YTHDC2: variants seen among roughly 807,000 people sequenced by gnomAD.
The protein encoded by YTHDC2 is YTH N6-methyladenosine RNA binding protein C2, also known as 3'-5' RNA helicase YTHDC2.
A neutral mutation model predicts 174.9 loss-of-function variants in YTHDC2; 45 were observed. That is an observed-to-expected ratio of 0.26 (90% CI 0.20 to 0.33). The LOEUF (loss-of-function observed/expected upper bound fraction) is 0.33. Among genes scored for constraint, YTHDC2 ranks in the 10% least tolerant of loss-of-function variants. YTHDC2 has a pLI of 1.00. For missense variants in YTHDC2, 1,650 were observed against 1,723.7 expected, an observed-to-expected ratio of 0.96 and a Z score of 0.76; for synonymous variants, 657 against 574.5, an observed-to-expected ratio of 1.14 and a Z score of -2.05.
At chr5:113,538,954 T>C in intron 7 of YTHDC2, 120 bp from the exon 8 acceptor site, 1 of 525,320 alleles carries the variant, frequency 1.9e-6, no homozygotes, top group Non-Finnish European at 3.3e-6. Context: ...TAAGAGTCAC[T>C]TGAACTATGA....
In YTHDC2 at chr5:113,535,759, C is replaced by T; in HGVS notation, c.1063C>T (p.Leu355Phe). 1 of 1,612,872 alleles carries T rather than the reference C, an allele frequency of 6.2e-7. No individual in the cohort carries two copies. Among genetic ancestry groups the T allele is most frequent in the East Asian group, 2.2e-5 (1 of 44,754 alleles). Residue 355 changes from leucine to phenylalanine, a missense_variant, in exon 7 of 30, where the codon CTC becomes TTC. Physicochemically the swap from Leu to Phe is conservative, Grantham distance 22. Coordinates refer to ENST00000161863, the MANE Select transcript of YTHDC2 (RefSeq NM_022828.5). Reference sequence around the variant, plus strand: ...TTCTAGTGCTGCCTTGGATGTAAATCTCTTTATAAGATATTTTGGAAGTTG... The same window carrying T: ...TTCTAGTGCTGCCTTGGATGTAAATTTCTTTATAAGATATTTTGGAAGTTG... ...ILSSAALDVN[L>F]FIRYFGSCPV...
chr5:113,568,064 T>G (rs1336827010), intron 23 of YTHDC2, among the ~76,000 whole-genome samples: 4 of 152,170 alleles, frequency 2.6e-5, no homozygotes, highest in Admixed American at 2.0e-4. Flanking sequence ...TGTGCATTTT[T>G]TATTAATCTT....
chr5:113,523,525 A>T (rs1774014336), intron 2 of YTHDC2, among the ~76,000 whole-genome samples: 1 of 152,150 alleles, frequency 6.6e-6, no homozygotes, highest in African/African-American at 2.4e-5. Context: ...CATTTATGGA[A>T]TTCAATAATT....
chr5:113,567,672 C>T lies in YTHDC2; in HGVS notation c.3067C>T (p.Gln1023Ter). The change falls in exon 23 of 30, where the codon CAA becomes TAA. Residue 1023 changes from glutamine to a stop codon, truncating the protein, a stop_gained. Transcript: ENST00000161863. LOFTEE classifies it high-confidence loss of function. ...QYKKIPPANG[Q>*]AAAIKALPTD... ...TTAATAGATTCCTCCAGCCAATGGT[C>T]AAGCTGCAGCAATTAAGGCACTGCC... The T allele has an allele frequency of 6.2e-7, 1 of 1,601,088 alleles. No individual in the cohort carries two copies. Among genetic ancestry groups the T allele is most frequent in the Non-Finnish European group, 8.5e-7 (1 of 1,175,494 alleles).
chr5:113,584,561 TAG>T, intron 26 of YTHDC2, 82 bp downstream of exon 26: 1 of 1,221,370 alleles, frequency 8.2e-7, no homozygotes, highest in Non-Finnish European at 1.1e-6. Context: ...GTAAAACAAT[TAG>T]AGTACTTTTC....
chr5:113,521,820 CAAAAAAAA>C (rs59402463), intron 2 of YTHDC2, among the ~76,000 whole-genome samples: 28 of 118,576 alleles, frequency 2.4e-4, no homozygotes, highest in African/African-American at 8.3e-4. Flanking sequence ...GACTCTGTCT[CAAAAAAAA>C]AAAAAAAAAG....
chr5:113,513,833 G>C lies in YTHDC2; in HGVS notation c.-63G>C. 3 of 1,504,136 alleles carry C rather than the reference G, an allele frequency of 2.0e-6. No individual in the cohort carries two copies. Among genetic ancestry groups the C allele is most frequent in the Admixed American group, 2.3e-5 (1 of 43,418 alleles). 93.2% of individuals were successfully genotyped at this position (1,504,136 alleles called of 1,614,324 possible). A position where few individuals can be genotyped will look rare whatever the true frequency, so the allele number is the denominator to read the frequency against. ...GTGGCCCCGGATTCCCACGGTCTTT[G>C]TCATTGGCTGTCAGCTAGCAGGCCT... On this transcript the variant is annotated 5_prime_UTR_variant, in exon 1 of 30. Coordinates refer to ENST00000161863, the MANE Select transcript of YTHDC2 (RefSeq NM_022828.5).
intron 26 of YTHDC2, among the ~76,000 whole-genome samples, chr5:113,585,443 A>G (rs949309519): frequency 5.9e-5 from 9 of 152,082 alleles, no homozygotes; most frequent in African/African-American, 2.2e-4. Flanking sequence ...GTAGATTTGC[A>G]TTCTTAGGTT....
intron 6 of YTHDC2, 73 bp downstream of exon 6, chr5:113,534,480 T>C: frequency 2.2e-6 from 3 of 1,361,906 alleles, no homozygotes; most frequent in South Asian, 2.5e-5. Flanking sequence ...CGTTTCAGGA[T>C]AGTCTCAAAA....
At chr5:113,582,513 CAAATTT>C (rs1325065027) in intron 25 of YTHDC2, 3 of 152,078 alleles carry the variant, frequency 2.0e-5, no homozygotes, top group African/African-American at 4.8e-5. Context: ...TTGTTAGAAT[CAAATTT>C]AAGTTATTTT....
At chr5:113,524,544 A>G (rs1379096597) in intron 2 of YTHDC2, among the ~76,000 whole-genome samples, 6 of 152,108 alleles carry the variant, frequency 3.9e-5, no homozygotes, top group Admixed American at 2.6e-4. Context: ...CTCATTACCA[A>G]CATACTGTGG....
rs115442654 is a variant in YTHDC2 at position 113,575,193 on chromosome 5, C to A, written c.3245-4393C>A. On this transcript the variant is annotated intron_variant, in intron 23 of 29. Coordinates refer to ENST00000161863, the MANE Select transcript of YTHDC2 (RefSeq NM_022828.5). ...TTCTAATAAGCCATCTTGATTGATC[C>A]CCTGGCATAACACATTTAAAATGTT... Among the ~76,000 whole-genome samples, 565 of 152,280 alleles carry A rather than the reference C, an allele frequency of 3.7e-3. 4 individuals carry two copies. The highest frequency in any genetic ancestry group is 0.013 in the African/African-American group (552 of 41,556).
intron 26 of YTHDC2, among the ~76,000 whole-genome samples, chr5:113,586,850 A>AAT (rs1195426587): frequency 1.0e-4 from 14 of 137,730 alleles, no homozygotes; most frequent in African/African-American, 3.2e-4. Flanking sequence ...CAGTTTCATT[A>AAT]ATATCTCTCT....
intron 23 of YTHDC2, among the ~76,000 whole-genome samples, chr5:113,571,338 G>A (rs1777701868): frequency 6.6e-6 from 1 of 152,200 alleles, no homozygotes. Context: ...CAACTTGATT[G>A]TGGTGGACAA....
chr5:113,591,893 T>G, intron 27 of YTHDC2, 103 bp from the exon 28 acceptor site: 2 of 907,706 alleles, frequency 2.2e-6, no homozygotes, highest in Non-Finnish European at 3.0e-6. Flanking sequence ...CAATATTATA[T>G]CTTAATCTTA....
At chr5:113,539,904 A>T (rs1026213634) in intron 8 of YTHDC2, among the ~76,000 whole-genome samples, 13 of 152,044 alleles carry the variant, frequency 8.6e-5, no homozygotes, top group East Asian at 1.9e-4. Flanking sequence ...AAAAAAATTA[A>T]AAAAAAATTT....
intron 26 of YTHDC2, among the ~76,000 whole-genome samples, chr5:113,590,726 ATTTGT>A (rs949543481): frequency 6.6e-6 from 1 of 152,178 alleles, no homozygotes; most frequent in Admixed American, 6.6e-5. Context: ...CTGGAGAAGT[ATTTGT>A]TTTGTTTTCT....
At chr5:113,535,617 A>G (rs770549892) in intron 6 of YTHDC2, 25 bp from the exon 7 acceptor site, 3 of 1,570,204 alleles carry the variant, frequency 1.9e-6, no homozygotes, top group Middle Eastern at 3.4e-4. Context: ...TAACTGTTCC[A>G]TGGTTTTATT....
rs747025694 is a variant in YTHDC2, at chr5:113,526,770, T to C, written c.660T>C (p.Ser220=). The C allele has an allele frequency of 2.0e-5, 29 of 1,471,442 alleles. No homozygotes were observed. The highest frequency in any genetic ancestry group is 2.4e-5 in the Non-Finnish European group (27 of 1,105,354). 91.1% of individuals were successfully genotyped at this position (1,471,442 alleles called of 1,614,324 possible). Residue 220 remains serine, a synonymous_variant, in exon 4 of 30, where the codon TCT becomes TCC. Transcript: ENST00000161863. Reference sequence around the variant, plus strand: ...TTTTGATTGTAGGAGAAACTGGGTCTGGAAAGACCACACAGGTTTGTTTCT... The same window carrying C: ...TTTTGATTGTAGGAGAAACTGGGTCCGGAAAGACCACACAGGTTTGTTTCT... ...KVVLIVGETG[S]GKTTQIPQFL...
Sources: allele counts gnomAD v4.1 joint callset (sites outside exome capture counted in the v4.1 genomes callset), GRCh38; gene constraint gnomAD v4.1.1; transcripts MANE v1.5; gene names NCBI Gene and HGNC (gene_info 2026-07-23, HGNC 2026-07-21).